The following ZNF521 variants were observed in gnomAD, a reference collection of about 807,000 sequenced individuals.
ZNF521 encodes LYST-interacting protein 3.
Under a neutral mutation model 105.5 loss-of-function variants are expected in ZNF521, and 14 were observed. The ratio of observed to expected loss-of-function variants is 0.13; its 90% CI spans 0.09 to 0.21. The LOEUF (loss-of-function observed/expected upper bound fraction) is 0.21, where lower values mean the gene tolerates loss of function less well. Ranked by LOEUF, ZNF521 falls within the 10% of genes least tolerant of loss-of-function variation. ZNF521 has a pLI of 1.00. For synonymous variants in ZNF521, 635 were observed against 606.0 expected (o/e 1.05, Z -0.70); for missense variants, 1,233 against 1,629.7 (o/e 0.76, Z 4.19).
At chr18:25,130,918 G>C (rs2034629776) in intron 5 of ZNF521, among the ~76,000 whole-genome samples, 1 of 151,918 alleles carries the variant, frequency 6.6e-6, no homozygotes, top group Non-Finnish European at 1.5e-5. Context: ...ACTCCAGCCT[G>C]GGTGAAAGAA....
intron 2 of ZNF521, among the ~76,000 whole-genome samples, chr18:25,342,477 G>A (rs1454320142): frequency 2.0e-5 from 3 of 149,776 alleles, no homozygotes; most frequent in Non-Finnish European, 4.4e-5. Flanking sequence ...GCTGGAGCCC[G>A]GAGTGCAGTG....
At chr18:25,224,203 T>G in intron 4 of ZNF521, 142 bp downstream of exon 4, 1 of 802,696 alleles carries the variant, frequency 1.2e-6, no homozygotes, top group Non-Finnish European at 2.0e-6. Context: ...CTAATGGCTA[T>G]GGGGGAAAAA....
At chr18:25,077,150 G>A (rs1016065379) in intron 7 of ZNF521, among the ~76,000 whole-genome samples, 7 of 152,216 alleles carry the variant, frequency 4.6e-5, no homozygotes, top group African/African-American at 1.7e-4. Context: ...CTTAAAAAAT[G>A]CGGTCATCAG....
At chr18:25,064,346 G>A (rs530735160) in intron 7 of ZNF521, among the ~76,000 whole-genome samples, 11 of 152,346 alleles carry the variant, frequency 7.2e-5, no homozygotes, top group South Asian at 4.1e-4. Context: ...ACTGACAGCC[G>A]GAGACATGAG....
Position 25,062,600 on chromosome 18 carries a change from A to T in ZNF521, c.*112T>A. Reference sequence around the variant, plus strand: ...TTTGATAATACAAGTTTTATGGTACAATACAATGTTTCTGAATAATATACA... The same window carrying T: ...TTTGATAATACAAGTTTTATGGTACTATACAATGTTTCTGAATAATATACA... On this transcript the variant is annotated 3_prime_UTR_variant, in exon 8 of 8. Coordinates refer to ENST00000361524, the MANE Select transcript of ZNF521 (RefSeq NM_015461.3). The T allele has an allele frequency of 7.3e-7, 1 of 1,377,428 alleles. No individual in the cohort carries two copies. Among genetic ancestry groups the T allele is most frequent in the Non-Finnish European group, 1.0e-6 (1 of 994,368 alleles). The allele number at this position is 1,377,428 out of a possible 1,614,324, so 85.3% of individuals were successfully genotyped here.
chr18:25,267,871 T>A (rs931162680), intron 3 of ZNF521, among the ~76,000 whole-genome samples: 3 of 152,006 alleles, frequency 2.0e-5, no homozygotes, highest in African/African-American at 7.2e-5. Context: ...GAACACCTCT[T>A]CTCCTACAAA....
chr18:25,342,366 T>C (rs1173979155), intron 2 of ZNF521, among the ~76,000 whole-genome samples: 1 of 152,112 alleles, frequency 6.6e-6, no homozygotes, highest in Non-Finnish European at 1.5e-5. Flanking sequence ...GGTAGATCAA[T>C]GTTTGTGAAG....
intron 2 of ZNF521, among the ~76,000 whole-genome samples, chr18:25,349,319 T>G (rs989857104): frequency 1.3e-5 from 2 of 152,128 alleles, no homozygotes; most frequent in Non-Finnish European, 2.9e-5. Context: ...TGGCGTTTCT[T>G]TTTTCACTGT....
intron 2 of ZNF521, chr18:25,327,702 C>T (rs201794924): frequency 5.8e-5 from 30 of 518,602 alleles, no homozygotes; most frequent in East Asian, 1.6e-4. Flanking sequence ...TCCCATAAGA[C>T]GAAAACAGAT....
At chr18:25,334,098 C>T (rs1913744290) in intron 2 of ZNF521, among the ~76,000 whole-genome samples, 1 of 152,180 alleles carries the variant, frequency 6.6e-6, no homozygotes, top group African/African-American at 2.4e-5. Context: ...ACTAAAATAT[C>T]TCCCAGATCA....
chr18:25,207,905 A>T (rs867018356), intron 4 of ZNF521, among the ~76,000 whole-genome samples: 1 of 152,208 alleles, frequency 6.6e-6, no homozygotes, highest in Admixed American at 6.5e-5. Flanking sequence ...TAATCTGGAA[A>T]AATAGGGGGC....
intron 7 of ZNF521, among the ~76,000 whole-genome samples, chr18:25,074,097 G>C (rs1463389009): frequency 6.6e-6 from 1 of 152,128 alleles, no homozygotes; most frequent in Non-Finnish European, 1.5e-5. Context: ...CACGCGCACG[G>C]GAATATGCCT....
intron 3 of ZNF521, among the ~76,000 whole-genome samples, chr18:25,301,370 T>C (rs977650866): frequency 4.6e-5 from 7 of 152,226 alleles, no homozygotes; most frequent in Non-Finnish European, 8.8e-5. Flanking sequence ...TTGATCACAG[T>C]GCTTGCCTAT....
rs151238622 is a variant in ZNF521, at chr18:25,094,188, C to T, written c.3659-2107G>A. Reference sequence around the variant, plus strand: ...TTTCCTGGGGATAACAATTGACTGTCACATGAGCATAAAGTGAATTATGCA... The same window carrying T: ...TTTCCTGGGGATAACAATTGACTGTTACATGAGCATAAAGTGAATTATGCA... On this transcript the variant is annotated intron_variant, in intron 5 of 7. Coordinates refer to ENST00000361524, the MANE Select transcript of ZNF521 (RefSeq NM_015461.3). 9.9e-5 allele frequency among the ~76,000 whole-genome samples: 15 copies of T among 152,190 alleles called. No individual in the cohort carries two copies. The East Asian group carries it at 2.9e-3, about 29-fold the overall frequency.
chr18:25,247,721 T>A (rs898203331), intron 3 of ZNF521, among the ~76,000 whole-genome samples: 2 of 152,110 alleles, frequency 1.3e-5, no homozygotes, highest in African/African-American at 4.8e-5. Context: ...AGGATTTCAA[T>A]CAGCAGAGAT....
At chr18:25,316,428 C>T (rs1912621780) in intron 3 of ZNF521, among the ~76,000 whole-genome samples, 1 of 111,340 alleles carries the variant, frequency 9.0e-6, no homozygotes, top group Non-Finnish European at 1.7e-5. Context: ...CTTTGTCAGC[C>T]AGGGGTGGGG....
intron 3 of ZNF521, among the ~76,000 whole-genome samples, chr18:25,300,124 C>T (rs1383889428): frequency 1.3e-5 from 2 of 152,236 alleles, no homozygotes; most frequent in East Asian, 1.9e-4. Flanking sequence ...GAAAGCCAGA[C>T]GAGACATGTG....
intron 5 of ZNF521, among the ~76,000 whole-genome samples, chr18:25,179,312 G>T (rs1392440826): frequency 6.6e-6 from 1 of 150,724 alleles, no homozygotes; most frequent in Admixed American, 6.6e-5. Flanking sequence ...ACCACATCTG[G>T]CTAATTTTTG....
chr18:25,278,281 T>C (rs572311072), intron 3 of ZNF521, among the ~76,000 whole-genome samples: 1 of 152,332 alleles, frequency 6.6e-6, no homozygotes, highest in African/African-American at 2.4e-5. Flanking sequence ...TGTGATTTTT[T>C]GTGTTACTTA....
Sources: allele counts gnomAD v4.1 joint callset (sites outside exome capture counted in the v4.1 genomes callset), GRCh38; gene constraint gnomAD v4.1.1; transcripts MANE v1.5; gene names NCBI Gene and HGNC (gene_info 2026-07-23, HGNC 2026-07-21).